Variants in ZPBP observed in about 807,000 individuals in gnomAD.
ZPBP encodes zona pellucida binding protein.
Under a neutral mutation model 44.8 loss-of-function variants are expected in ZPBP, and 26 were observed. The observed-to-expected ratio is 0.58, with a 90% confidence interval of 0.43 to 0.81. The LOEUF (loss-of-function observed/expected upper bound fraction) is 0.81, where lower values mean the gene tolerates loss of function less well. Ranked by LOEUF, ZPBP falls within the 30% of genes least tolerant of loss-of-function variation. ZPBP has a pLI of 0.00. For synonymous variants in ZPBP, 174 were observed against 153.2 expected (o/e 1.14, Z -1.00); for missense variants, 409 against 434.0 (o/e 0.94, Z 0.51).
chr7:49,929,528 C>G (rs1469519601), intron 1 of ZPBP, among the ~76,000 whole-genome samples: 2 of 152,174 alleles, frequency 1.3e-5, no homozygotes, highest in Admixed American at 1.3e-4. Context: ...AGGGACCAAC[C>G]AACAAACTAA....
intron 1 of ZPBP, chr7:49,915,206 T>C (rs1424343087): frequency 2.6e-5 from 4 of 152,204 alleles, no homozygotes; most frequent in Non-Finnish European, 4.4e-5. Flanking sequence ...AAACTTGTAT[T>C]TCATCCCTGC....
intron 2 of ZPBP, among the ~76,000 whole-genome samples, chr7:49,860,800 C>T (rs543834133): frequency 6.6e-6 from 1 of 152,150 alleles, no homozygotes; most frequent in South Asian, 2.1e-4. Context: ...GGTTGGTCTC[C>T]CTATAAGAAG....
At chr7:49,919,864 G>A (rs1019274970) in intron 1 of ZPBP, 3 of 152,110 alleles carry the variant, frequency 2.0e-5, no homozygotes, top group Non-Finnish European at 4.4e-5. Flanking sequence ...GTGCAATAAA[G>A]GAGCTTGATA....
At chr7:49,875,386 A>AAAAAAAAAAAAAAAAAAAAAAAAAAAAG in intron 2 of ZPBP, among the ~76,000 whole-genome samples, 1 of 149,776 alleles carries the variant, frequency 6.7e-6, no homozygotes, top group Non-Finnish European at 1.5e-5. Context: ...AAAAAAAAAA[A>AAAAAAAAAAAAAAAAAAAAAAAAAAAAG]AAAAAAAAAA....
At chr7:49,924,239 A>AT (rs1020333431) in intron 1 of ZPBP, among the ~76,000 whole-genome samples, 1 of 151,970 alleles carries the variant, frequency 6.6e-6, no homozygotes, top group African/African-American at 2.4e-5. Flanking sequence ...TTATAGGGTA[A>AT]TTTTTTATAT....
intron 2 of ZPBP, among the ~76,000 whole-genome samples, chr7:49,875,955 C>A (rs372176446): frequency 6.6e-6 from 1 of 152,036 alleles, no homozygotes; most frequent in Non-Finnish European, 1.5e-5. Context: ...AAGAATGAGT[C>A]GAAGAAATTG....
intron 1 of ZPBP, among the ~76,000 whole-genome samples, chr7:49,906,616 G>A (rs182524486): frequency 3.7e-4 from 56 of 152,266 alleles, no homozygotes; most frequent in Middle Eastern, 3.4e-3. Flanking sequence ...GATTACAGGC[G>A]TGAGCCACCG....
intron 3 of ZPBP, among the ~76,000 whole-genome samples, chr7:50,079,292 C>T (rs760418367): frequency 1.9e-4 from 29 of 151,402 alleles, no homozygotes; most frequent in Non-Finnish European, 3.3e-4. Context: ...CTTTTGTTTT[C>T]CCATTTATAA....
At chr7:49,923,086 G>A (rs140802252) in intron 1 of ZPBP, among the ~76,000 whole-genome samples, 53 of 152,304 alleles carry the variant, frequency 3.5e-4, no homozygotes, top group Non-Finnish European at 6.6e-4. Flanking sequence ...ATGCAAAGAA[G>A]TACAGATAGA....
chr7:49,933,720 C>A (rs1035500533), downstream of ZPBP, among the ~76,000 whole-genome samples: 2 of 151,990 alleles, frequency 1.3e-5, no homozygotes, highest in African/African-American at 4.8e-5. Flanking sequence ...TACTATGCAG[C>A]CATAAAAAAG....
At chr7:49,841,719 T>C in the ZPBP span, among the ~76,000 whole-genome samples, 1 of 152,244 alleles carries the variant, frequency 6.6e-6, no homozygotes, top group Non-Finnish European at 1.5e-5. Context: ...TCCTACTTGA[T>C]GCCCTTGTCC....
intron 1 of ZPBP, among the ~76,000 whole-genome samples, chr7:49,929,364 A>T (rs191877274): frequency 1.9e-4 from 29 of 152,316 alleles, no homozygotes; most frequent in Non-Finnish European, 2.5e-4. Flanking sequence ...AGCAAAAGAG[A>T]ACTGTCCTGC....
chr7:49,864,898 C>A (rs1009648808), intron 2 of ZPBP, among the ~76,000 whole-genome samples: 54 of 152,306 alleles, frequency 3.5e-4, no homozygotes, highest in Admixed American at 3.3e-4. Flanking sequence ...TGCTTTGTTG[C>A]TGTAAACCTT....
At chr7:49,858,125 T>A (rs898733966) in intron 2 of ZPBP, among the ~76,000 whole-genome samples, 1 of 152,206 alleles carries the variant, frequency 6.6e-6, no homozygotes, top group Non-Finnish European at 1.5e-5. Flanking sequence ...AGTGTAAAAG[T>A]GTTCCTATTT....
chr7:50,056,863 T>C (rs1040455735), intron 4 of ZPBP, among the ~76,000 whole-genome samples: 1 of 152,094 alleles, frequency 6.6e-6, no homozygotes, highest in African/African-American at 2.4e-5. Flanking sequence ...ACTGCCAAAC[T>C]TCACCTTTAC....
chr7:49,924,999 G>A (rs1210460687), intron 1 of ZPBP, among the ~76,000 whole-genome samples: 2 of 152,276 alleles, frequency 1.3e-5, no homozygotes, highest in East Asian at 3.9e-4. Flanking sequence ...CCCTCCTCCA[G>A]GTAAACAACT....
intron 3 of ZPBP, among the ~76,000 whole-genome samples, chr7:50,079,801 C>G (rs1263684607): frequency 6.6e-6 from 1 of 151,602 alleles, no homozygotes; most frequent in African/African-American, 2.4e-5. Flanking sequence ...AGTACTTATA[C>G]ATGTTTGTGT....
chr7:50,057,361 A>T (rs916402032), intron 4 of ZPBP, among the ~76,000 whole-genome samples: 5 of 152,316 alleles, frequency 3.3e-5, no homozygotes, highest in Middle Eastern at 3.4e-3. Context: ...ACACAGAAGC[A>T]GTCCAAGCCT....
intron 3 of ZPBP, among the ~76,000 whole-genome samples, chr7:50,066,892 G>A (rs958719376): frequency 2.8e-4 from 42 of 152,110 alleles, no homozygotes; most frequent in Non-Finnish European, 5.0e-4. Flanking sequence ...GGCGATCTGG[G>A]TCTTGTTGGC....
Sources: allele counts gnomAD v4.1 joint callset (sites outside exome capture counted in the v4.1 genomes callset), GRCh38; gene constraint gnomAD v4.1.1; transcripts MANE v1.5; gene names NCBI Gene and HGNC (gene_info 2026-07-23, HGNC 2026-07-21).